RBBP4: variants seen among roughly 807,000 people sequenced by gnomAD.
The protein encoded by RBBP4 is RB binding protein 4, chromatin remodeling factor, also known as histone-binding protein RBBP4.
A neutral mutation model predicts 57.2 loss-of-function variants in RBBP4; 3 were observed. That is an observed-to-expected ratio of 0.05 (90% CI 0.02 to 0.14). The LOEUF (loss-of-function observed/expected upper bound fraction) is 0.14, where lower values mean the gene tolerates loss of function less well. RBBP4 is among the 10% of genes least tolerant of loss of function. RBBP4 has a pLI of 1.00. For missense variants in RBBP4, 107 were observed against 520.6 expected (o/e 0.21, Z 7.73); for synonymous variants, 151 against 171.5 (o/e 0.88, Z 0.93).
chr1:32,664,656 T>C (rs1244291502), intron 3 of RBBP4, among the ~76,000 whole-genome samples: 1 of 152,104 alleles, frequency 6.6e-6, no homozygotes, highest in Admixed American at 6.6e-5. Context: ...TTTCACCATA[T>C]TGGCCATGCT....
intron 11 of RBBP4, among the ~76,000 whole-genome samples, chr1:32,677,788 A>G (rs1003366649): frequency 1.3e-5 from 2 of 152,166 alleles, no homozygotes; most frequent in African/African-American, 4.8e-5. Flanking sequence ...GCATCACACA[A>G]TTGTATGTAT....
chr1:32,655,659 TG>T (rs1337119246), intron 2 of RBBP4, among the ~76,000 whole-genome samples: 2 of 152,212 alleles, frequency 1.3e-5, no homozygotes, highest in Non-Finnish European at 2.9e-5. Context: ...TATATCTTAC[TG>T]GCTTCCCCAG....
chr1:32,683,943 G>A lies in RBBP4; in HGVS notation c.*4238G>A, dbSNP rs1012854058. The A allele has an allele frequency of 3.2e-5, 49 of 1,516,478 alleles. No homozygotes were observed. The highest frequency in any genetic ancestry group is 4.3e-5 in the Non-Finnish European group (47 of 1,094,490). 93.9% of individuals were successfully genotyped at this position (1,516,478 alleles called of 1,614,324 possible). A position where few individuals can be genotyped will look rare whatever the true frequency, so the allele number is the denominator to read the frequency against. On this transcript the variant is annotated 3_prime_UTR_variant, in exon 12 of 12. Transcript: ENST00000373493. ...CCACCCCGTCCGGCCTGTTTTTAAG[G>A]CATTAATTAGTATTGTTAGGAAAGC...
At chr1:32,658,517 G>T (rs1648243369) in intron 3 of RBBP4, among the ~76,000 whole-genome samples, 1 of 150,296 alleles carries the variant, frequency 6.7e-6, no homozygotes. Flanking sequence ...TAACCTAAGG[G>T]TTTAACTGCT....
At position 32,681,919 on chromosome 1, in the gene RBBP4, G is replaced by C; in HGVS notation, c.*2214G>C. ...AACTTCTGAGGTTTAGTTACTGCAG[G>C]CTTTGTTGAGAAGAGATTGTTACAG... On this transcript the variant is annotated 3_prime_UTR_variant, in exon 12 of 12. Transcript: ENST00000373493. 1 of 1,465,556 alleles carries C rather than the reference G, an allele frequency of 6.8e-7. No homozygotes were observed. Among genetic ancestry groups the C allele is most frequent in the South Asian group, 1.1e-5 (1 of 87,898 alleles). 90.8% of individuals were successfully genotyped at this position (1,465,556 alleles called of 1,614,324 possible). A position where few individuals can be genotyped will look rare whatever the true frequency, so the allele number is the denominator to read the frequency against.
At chr1:32,671,826 G>A (rs1648891702) in intron 8 of RBBP4, among the ~76,000 whole-genome samples, 1 of 151,990 alleles carries the variant, frequency 6.6e-6, no homozygotes, top group Non-Finnish European at 1.5e-5. Flanking sequence ...CTGGGAGGTG[G>A]AGGTTTCAGT....
intron 8 of RBBP4, among the ~76,000 whole-genome samples, chr1:32,671,144 G>A (rs1487548600): frequency 3.3e-5 from 5 of 152,082 alleles, no homozygotes; most frequent in Non-Finnish European, 7.3e-5. Flanking sequence ...ATTATTGCAT[G>A]GAGTCATTTT....
At chr1:32,652,767 AC>A (rs1446058896) in intron 2 of RBBP4, among the ~76,000 whole-genome samples, 1 of 150,212 alleles carries the variant, frequency 6.7e-6, no homozygotes, top group Non-Finnish European at 1.5e-5. Flanking sequence ...CTGGTCTCCA[AC>A]CCCCTGACCT....
rs1199348271 is a variant in RBBP4 at position 32,651,341 on chromosome 1, A to G, written c.16+19A>G. 6.9e-7 allele frequency: 1 copy of G among 1,448,346 alleles called. No homozygotes were observed. The highest frequency in any genetic ancestry group is 1.5e-5 in the African/African-American group (1 of 66,782). 89.7% of individuals were successfully genotyped at this position (1,448,346 alleles called of 1,614,324 possible). ...AAGGAAGGTGAGGGTGCCGGGGCCG[A>G]CCCAGGAGGGCAGTGGGTGCCTGGG... is the stretch of plus-strand genomic sequence containing the variant. On this transcript the variant is annotated intron_variant, in intron 1 of 11. Coordinates refer to ENST00000373493, the MANE Select transcript of RBBP4 (RefSeq NM_005610.3).
intron 3 of RBBP4, among the ~76,000 whole-genome samples, chr1:32,660,882 T>A (rs991929517): frequency 3.3e-5 from 5 of 152,204 alleles, no homozygotes; most frequent in Non-Finnish European, 7.3e-5. Context: ...CAATCCCCGC[T>A]TACTGCAACC....
At chr1:32,664,114 G>C (rs528245677) in intron 3 of RBBP4, among the ~76,000 whole-genome samples, 1 of 151,942 alleles carries the variant, frequency 6.6e-6, no homozygotes, top group Non-Finnish European at 1.5e-5. Flanking sequence ...ATTTTTATTA[G>C]AGACGGGGTT....
intron 11 of RBBP4, chr1:32,673,462 GTC>G: frequency 2.4e-6 from 1 of 422,896 alleles, no homozygotes; most frequent in Non-Finnish European, 4.6e-6. Context: ...TTTTGAGATG[GTC>G]TCTCACTTTT....
In RBBP4 at chr1:32,669,421, T is replaced by C; in HGVS notation, c.888+64T>C. On this transcript the variant is annotated intron_variant, in intron 7 of 11. Coordinates refer to ENST00000373493, the MANE Select transcript of RBBP4 (RefSeq NM_005610.3). This position sits in a 1 kb window ranked among gnomAD's most constrained non-coding sequence, Gnocchi z 4.9. Reference sequence around the variant, plus strand: ...TAGGTTTTTTTGAATTGCAGAGATATTTTACTTACAGTATTTTTTTTTTCT... The same window carrying C: ...TAGGTTTTTTTGAATTGCAGAGATACTTTACTTACAGTATTTTTTTTTTCT... 6.4e-7 allele frequency: 1 copy of C among 1,570,532 alleles called. No individual in the cohort carries two copies. Among genetic ancestry groups the C allele is most frequent in the Non-Finnish European group, 8.6e-7 (1 of 1,165,616 alleles).
At chr1:32,655,881 A>G (rs1382191897) in intron 2 of RBBP4, among the ~76,000 whole-genome samples, 2 of 152,330 alleles carry the variant, frequency 1.3e-5, no homozygotes, top group East Asian at 3.9e-4. Context: ...TTTTATATGC[A>G]TCATAATCAG....
Position 32,652,081 on chromosome 1 carries a change from C to G in RBBP4, c.164+20C>G. The stretch of plus-strand genomic sequence containing the variant: ...AACCAGGTGACATGACTCTCCCGAA[C>G]GTTATTTTGATGTATTTTCAGTGTA... On this transcript the variant is annotated intron_variant, in intron 2 of 11. Transcript: ENST00000373493. The G allele has an allele frequency of 1.3e-6, 2 of 1,599,668 alleles. No homozygotes were observed. Among genetic ancestry groups the G allele is most frequent in the Non-Finnish European group, 8.5e-7 (1 of 1,172,438 alleles).
At chr1:32,655,882 T>C (rs2148516666) in intron 2 of RBBP4, among the ~76,000 whole-genome samples, 1 of 152,322 alleles carries the variant, frequency 6.6e-6, no homozygotes, top group East Asian at 1.9e-4. Context: ...TTTATATGCA[T>C]CATAATCAGC....
chr1:32,679,558 C>T (rs1030591017), intron 11 of RBBP4, 82 bp from the exon 12 acceptor site: 3 of 1,272,652 alleles, frequency 2.4e-6, no homozygotes, highest in African/African-American at 3.1e-5. Flanking sequence ...TACTCTCTGG[C>T]TTCCTGGCCT....
chr1:32,671,246 A>T (rs1648863356), intron 8 of RBBP4, among the ~76,000 whole-genome samples: 1 of 152,176 alleles, frequency 6.6e-6, no homozygotes, highest in Non-Finnish European at 1.5e-5. Flanking sequence ...CTTAGGTCAG[A>T]ATTGGATTGC....
At chr1:32,674,504 A>C (rs879664442) in intron 11 of RBBP4, among the ~76,000 whole-genome samples, 4 of 151,876 alleles carry the variant, frequency 2.6e-5, no homozygotes, top group African/African-American at 9.7e-5. Context: ...CTGGGAGTAC[A>C]TGTGTGAGGC....
Sources: allele counts gnomAD v4.1 joint callset (sites outside exome capture counted in the v4.1 genomes callset), GRCh38; gene constraint gnomAD v4.1.1; non-coding constraint Gnocchi (gnomAD v3.1); transcripts MANE v1.5; gene names NCBI Gene and HGNC (gene_info 2026-07-23, HGNC 2026-07-21).